MAGI3: variants seen among roughly 807,000 people sequenced by gnomAD.
MAGI3 encodes membrane-associated guanylate kinase, WW and PDZ domain-containing protein 3.
A neutral mutation model predicts 121.8 loss-of-function variants in MAGI3; 43 were observed. The observed-to-expected ratio is 0.35, with a 90% CI of 0.28 to 0.46. MAGI3 has a LOEUF of 0.46. Ranked by LOEUF, MAGI3 falls within the 20% of genes least tolerant of loss-of-function variation. The pLI, the probability that MAGI3 is intolerant of heterozygous loss-of-function variation, is 1.00. For missense variants in MAGI3, 1,547 were observed against 1,797.3 expected (o/e 0.86, Z 2.52); for synonymous variants, 553 against 639.3 (o/e 0.86, Z 2.04).
chr1:113,635,355 T>C (rs1322421965), intron 9 of MAGI3, among the ~76,000 whole-genome samples: 2 of 152,212 alleles, frequency 1.3e-5, no homozygotes, highest in Non-Finnish European at 2.9e-5. Flanking sequence ...TGATATTGGC[T>C]GTGGGTTTGT....
At chr1:113,602,091 A>G (rs1649427887) in intron 6 of MAGI3, among the ~76,000 whole-genome samples, 1 of 67,552 alleles carries the variant, frequency 1.5e-5, no homozygotes, top group African/African-American at 6.3e-5. Context: ...GGGAGTGGGA[A>G]GGGATAGCAT....
intron 8 of MAGI3, 54 bp from the exon 9 acceptor site, chr1:113,622,752 C>G: frequency 7.4e-7 from 1 of 1,353,936 alleles, no homozygotes; most frequent in African/African-American, 1.5e-5. Flanking sequence ...ACTCTGAGTG[C>G]TATATTCATT....
intron 1 of MAGI3, among the ~76,000 whole-genome samples, chr1:113,397,276 G>A (rs1391268239): frequency 6.6e-6 from 1 of 152,178 alleles, no homozygotes; most frequent in African/African-American, 2.4e-5. Flanking sequence ...TGTACATGAA[G>A]TGAAAGAATG....
At chr1:113,559,309 A>G (rs1660126832) in intron 2 of MAGI3, among the ~76,000 whole-genome samples, 2 of 152,252 alleles carry the variant, frequency 1.3e-5, no homozygotes, top group African/African-American at 4.8e-5. Flanking sequence ...CAAGAGACCC[A>G]TCTCACATGC....
chr1:113,603,907 A>G (rs1440073795), intron 6 of MAGI3, among the ~76,000 whole-genome samples: 1 of 152,220 alleles, frequency 6.6e-6, no homozygotes, highest in Non-Finnish European at 1.5e-5. Context: ...AAAAATGCTC[A>G]TCATCAGGGA....
intron 9 of MAGI3, among the ~76,000 whole-genome samples, chr1:113,630,006 G>A (rs754651861): frequency 1.2e-4 from 19 of 152,056 alleles, no homozygotes; most frequent in Non-Finnish European, 2.2e-4. Context: ...AGGTGGCAAA[G>A]TGAGCTAGGT....
chr1:113,452,472 ACAC>A (rs1476731807), intron 1 of MAGI3, among the ~76,000 whole-genome samples: 4 of 151,870 alleles, frequency 2.6e-5, no homozygotes, highest in Non-Finnish European at 5.9e-5. Flanking sequence ...ACACACACAC[ACAC>A]ACACACACAC....
chr1:113,416,831 G>C (rs1293363435), intron 1 of MAGI3, among the ~76,000 whole-genome samples: 1 of 151,794 alleles, frequency 6.6e-6, no homozygotes, highest in Non-Finnish European at 1.5e-5. Context: ...AATGCTTAGA[G>C]TTCTATTCAA....
chr1:113,477,723 A>G (rs528319068), intron 1 of MAGI3, among the ~76,000 whole-genome samples: 3 of 152,122 alleles, frequency 2.0e-5, no homozygotes, highest in African/African-American at 7.2e-5. Flanking sequence ...GCACTTCTTG[A>G]GGAGTATCTT....
At chr1:113,507,694 C>T (rs1336072480) in intron 1 of MAGI3, among the ~76,000 whole-genome samples, 4 of 152,224 alleles carry the variant, frequency 2.6e-5, no homozygotes, top group Non-Finnish European at 4.4e-5. Context: ...TTTGTATCCT[C>T]AGTGCCCACA....
At chr1:113,437,857 CTTCTTCCT>C (rs1653676686) in intron 1 of MAGI3, among the ~76,000 whole-genome samples, 1 of 49,180 alleles carries the variant, frequency 2.0e-5, no homozygotes, top group African/African-American at 9.0e-5. Flanking sequence ...TCTTCTTCTT[CTTCTTCCT>C]CTTCTTCTTC....
At chr1:113,600,795 G>A (rs546170416) in intron 6 of MAGI3, among the ~76,000 whole-genome samples, 28 of 152,298 alleles carry the variant, frequency 1.8e-4, no homozygotes, top group African/African-American at 6.7e-4. Context: ...CAAAGCTGGA[G>A]GCATCACACT....
intron 2 of MAGI3, among the ~76,000 whole-genome samples, chr1:113,560,931 A>G (rs1049602688): frequency 6.6e-6 from 1 of 152,232 alleles, no homozygotes; most frequent in Admixed American, 6.5e-5. Context: ...ATAAGGGGGA[A>G]TACCACCACT....
At chr1:113,569,311 C>T (rs1051013643) in intron 2 of MAGI3, among the ~76,000 whole-genome samples, 1 of 152,100 alleles carries the variant, frequency 6.6e-6, no homozygotes, top group Non-Finnish European at 1.5e-5. Context: ...ACTATTTGCC[C>T]TATCTTCATT....
intron 19 of MAGI3, among the ~76,000 whole-genome samples, chr1:113,679,647 C>T (rs549365444): frequency 6.6e-6 from 1 of 151,878 alleles, no homozygotes; most frequent in East Asian, 1.9e-4. Context: ...TAGTAAATCA[C>T]AATGGTACTA....
rs181647586 is a variant in MAGI3, at chr1:113,611,149, A to G, written c.1019-3452A>G. ...TTGCCCAGGCTGGAGTGCAGTGATG[A>G]GATCTCAGCTCACTGCAACCTCCAC... On this transcript the variant is annotated intron_variant, in intron 6 of 20. Transcript: ENST00000307546. Among the ~76,000 whole-genome samples the G allele has an allele frequency of 8.2e-5, 12 of 146,624 alleles. No homozygotes were observed. In the East Asian group the frequency reaches 1.0e-3, roughly 13 times the overall value.
chr1:113,575,161 A>G (rs999954092), intron 2 of MAGI3, among the ~76,000 whole-genome samples: 6 of 152,178 alleles, frequency 3.9e-5, no homozygotes, highest in African/African-American at 1.4e-4. Flanking sequence ...GGAGTTTGTT[A>G]TTACCCACCT....
At chr1:113,550,635 A>T (rs147606482) in intron 2 of MAGI3, among the ~76,000 whole-genome samples, 10,148 of 151,510 alleles carry the variant, frequency 0.067, 376 homozygotes, top group African/African-American at 0.075. Flanking sequence ...AGGCGCCTGT[A>T]ATCTCAGCTA....
At position 113,683,505 on chromosome 1, in the gene MAGI3, A is replaced by T; in HGVS notation, c.3937A>T (p.Ser1313Cys). ...TGAGGCCAAATTATTAGAGGGTAAGAGTCGAAGAATAGCAGGCTATACGGG... is the reference window on the plus strand; with the variant it reads ...TGAGGCCAAATTATTAGAGGGTAAGTGTCGAAGAATAGCAGGCTATACGGG... ...NAEAKLLEGK[S>C]RRIAGYTGSN... The change falls in exon 21 of 21, where the codon AGT becomes TGT. Residue 1313 changes from serine to cysteine, a missense_variant. Physicochemically the swap from Ser to Cys is moderately radical, Grantham distance 112. Transcript: ENST00000307546. The T allele has an allele frequency of 6.2e-7, 1 of 1,614,030 alleles. No homozygotes were observed. Among genetic ancestry groups the T allele is most frequent in the Non-Finnish European group, 8.5e-7 (1 of 1,179,892 alleles).
Sources: allele counts gnomAD v4.1 joint callset (sites outside exome capture counted in the v4.1 genomes callset), GRCh38; gene constraint gnomAD v4.1.1; transcripts MANE v1.5; gene names NCBI Gene and HGNC (gene_info 2026-07-23, HGNC 2026-07-21).